The following ARHGAP15 variants were observed in gnomAD, a reference collection of about 807,000 sequenced individuals.
The protein encoded by ARHGAP15 is rho GTPase-activating protein 15.
Under a neutral mutation model 63.7 loss-of-function variants are expected in ARHGAP15, and 51 were observed. The ratio of observed to expected loss-of-function variants is 0.80; its 90% CI spans 0.64 to 1.01. The LOEUF (loss-of-function observed/expected upper bound fraction) is 1.01. ARHGAP15 is among the 50% of genes least tolerant of loss of function. The pLI is 0.00. For synonymous variants in ARHGAP15, 191 were observed against 193.8 expected (o/e 0.99, Z 0.12); for missense variants, 560 against 564.6 (o/e 0.99, Z 0.08).
chr2:143,469,219 G>C (rs1464532863), intron 8 of ARHGAP15, among the ~76,000 whole-genome samples: 1 of 152,052 alleles, frequency 6.6e-6, no homozygotes, highest in Non-Finnish European at 1.5e-5. Context: ...ATATTTTAAA[G>C]TCTGGGTATA....
At chr2:143,185,363 T>C (rs2105077872) in intron 2 of ARHGAP15, among the ~76,000 whole-genome samples, 1 of 152,346 alleles carries the variant, frequency 6.6e-6, no homozygotes, top group South Asian at 2.1e-4. Flanking sequence ...TTGTATACTT[T>C]GAACTTATCT....
intron 10 of ARHGAP15, among the ~76,000 whole-genome samples, chr2:143,520,569 A>C (rs184662209): frequency 6.6e-6 from 1 of 152,156 alleles, no homozygotes; most frequent in Non-Finnish European, 1.5e-5. Context: ...ACATGAGGAG[A>C]GGTATCTGTG....
intron 11 of ARHGAP15, among the ~76,000 whole-genome samples, chr2:143,592,713 G>A (rs1180983223): frequency 1.3e-5 from 2 of 152,156 alleles, no homozygotes; most frequent in Non-Finnish European, 2.9e-5. Context: ...GGGGCCCTTG[G>A]ACACTTAGCT....
intron 8 of ARHGAP15, among the ~76,000 whole-genome samples, chr2:143,482,745 T>C (rs552810974): frequency 2.0e-5 from 3 of 152,256 alleles, no homozygotes; most frequent in African/African-American, 2.4e-5. Flanking sequence ...GTCCCAGTGA[T>C]GGACCTTGCT....
chr2:143,758,177 G>A (rs982862289), intron 13 of ARHGAP15, among the ~76,000 whole-genome samples: 21 of 151,836 alleles, frequency 1.4e-4, no homozygotes, highest in South Asian at 4.1e-4. Flanking sequence ...AAACATGCCC[G>A]TGATATATAG....
At chr2:143,652,397 T>A (rs1681215220) in intron 12 of ARHGAP15, among the ~76,000 whole-genome samples, 1 of 152,094 alleles carries the variant, frequency 6.6e-6, no homozygotes, top group African/African-American at 2.4e-5. Flanking sequence ...CATAGTTTGC[T>A]GGCATTTGTG....
chr2:143,298,543 C>CT (rs1217336739), intron 6 of ARHGAP15, among the ~76,000 whole-genome samples: 1 of 151,950 alleles, frequency 6.6e-6, no homozygotes, highest in Non-Finnish European at 1.5e-5. Context: ...CGTGTTGGTA[C>CT]TTTTCAAACT....
chr2:143,629,529 G>C lies in ARHGAP15; in HGVS notation c.1138+5262G>C, dbSNP rs1698981457. Among the ~76,000 whole-genome samples the C allele has an allele frequency of 2.0e-5, 3 of 152,096 alleles. No individual in the cohort carries two copies. In the South Asian group the frequency reaches 6.2e-4, roughly 31 times the overall value. On this transcript the variant is annotated intron_variant, in intron 12 of 13. Transcript: ENST00000295095. ...CAATCTTGTGGCTAGAGGCCTGCAG[G>C]GGTCCAGACATTTCCAGTAGATCTA...
At chr2:143,501,254 G>T (rs1693041096) in intron 9 of ARHGAP15, among the ~76,000 whole-genome samples, 1 of 152,132 alleles carries the variant, frequency 6.6e-6, no homozygotes, top group Non-Finnish European at 1.5e-5. Flanking sequence ...TCATTCCCTG[G>T]ACAGTGAAAT....
At chr2:143,331,748 T>C (rs933983381) in intron 6 of ARHGAP15, among the ~76,000 whole-genome samples, 1 of 152,168 alleles carries the variant, frequency 6.6e-6, no homozygotes, top group African/African-American at 2.4e-5. Context: ...GATTTTCTTC[T>C]GAGGTAAAGA....
At chr2:143,141,128 G>A (rs1287192955) in intron 1 of ARHGAP15, among the ~76,000 whole-genome samples, 1 of 152,004 alleles carries the variant, frequency 6.6e-6, no homozygotes, top group Non-Finnish European at 1.5e-5. Flanking sequence ...GCATACATTT[G>A]GCAGCTTTAG....
At chr2:143,762,635 C>CA (rs1236058844) in intron 13 of ARHGAP15, among the ~76,000 whole-genome samples, 1 of 151,966 alleles carries the variant, frequency 6.6e-6, no homozygotes, top group Non-Finnish European at 1.5e-5. Context: ...CAGTGTTACT[C>CA]AAAAAAGAGA....
At chr2:143,221,779 GAAA>G (rs1693007845) in intron 4 of ARHGAP15, among the ~76,000 whole-genome samples, 1 of 152,134 alleles carries the variant, frequency 6.6e-6, no homozygotes, top group Non-Finnish European at 1.5e-5. Context: ...GATGGACATA[GAAA>G]GATATACTTG....
chr2:143,329,117 G>C (rs957940313), intron 6 of ARHGAP15, among the ~76,000 whole-genome samples: 1 of 152,216 alleles, frequency 6.6e-6, no homozygotes, highest in African/African-American at 2.4e-5. Context: ...CTCAAGTAAG[G>C]TGTGGCAGGT....
chr2:143,139,683 G>T (rs1689283889), intron 1 of ARHGAP15, among the ~76,000 whole-genome samples: 1 of 152,118 alleles, frequency 6.6e-6, no homozygotes, highest in African/African-American at 2.4e-5. Flanking sequence ...GAAGCATGGA[G>T]AAATTGAATT....
Position 143,155,499 on chromosome 2 carries a change from A to G in ARHGAP15, c.9A>G (p.Lys3=), listed in dbSNP as rs142436201. The part of the protein sequence containing the change: MQ[K]STNSDTSVET... Reference sequence around the variant, plus strand: ...CAGGATAGCACTATAATATGCAGAAATCTACAAATTCTGATACTTCCGTGG... The same window carrying G: ...CAGGATAGCACTATAATATGCAGAAGTCTACAAATTCTGATACTTCCGTGG... Residue 3 remains lysine (K), a synonymous_variant, in exon 2 of 14, where the codon AAA becomes AAG. Transcript: ENST00000295095. 6.2e-7 allele frequency: 1 copy of G among 1,606,732 alleles called. No individual in the cohort carries two copies.
At chr2:143,193,283 A>G (rs997399819) in intron 2 of ARHGAP15, 1 of 152,706 alleles carries the variant, frequency 6.5e-6, no homozygotes, top group Non-Finnish European at 1.5e-5. Context: ...AGTGGGCACC[A>G]TGCCATTTGA....
intron 6 of ARHGAP15, among the ~76,000 whole-genome samples, chr2:143,300,376 G>A (rs1224089149): frequency 6.6e-6 from 1 of 151,962 alleles, no homozygotes; most frequent in Admixed American, 6.6e-5. Context: ...TTAGTAAACT[G>A]TATATACTTT....
chr2:143,517,094 A>T (rs975411913), intron 9 of ARHGAP15, among the ~76,000 whole-genome samples: 12 of 152,046 alleles, frequency 7.9e-5, no homozygotes, highest in Non-Finnish European at 1.3e-4. Flanking sequence ...GACTACAGGC[A>T]CGCGCCACCA....
Sources: gnomAD v4.1 joint callset for allele counts (sites outside exome capture counted in the v4.1 genomes callset) on GRCh38, gnomAD v4.1.1 for gene constraint, MANE v1.5 for transcripts, NCBI Gene and HGNC (gene_info 2026-07-23, HGNC 2026-07-21) for gene names.